Variants in CHIC2 observed in about 807,000 individuals in gnomAD.
CHIC2 encodes cysteine rich hydrophobic domain 2.
A neutral mutation model predicts 25.9 loss-of-function variants in CHIC2; 14 were observed. That is an observed-to-expected ratio of 0.54 (90% confidence interval 0.36 to 0.85). The LOEUF (loss-of-function observed/expected upper bound fraction) is 0.85. CHIC2 is among the 40% of genes least tolerant of loss of function. CHIC2 has a pLI of 0.01. For synonymous variants in CHIC2, 70 were observed against 72.0 expected (o/e 0.97, Z 0.14); for missense variants, 146 against 202.0 (o/e 0.72, Z 1.68).
rs1431326183 is a variant in CHIC2, at chr4:54,064,466, G to T, written c.-166C>A. 6.8e-7 allele frequency: 1 copy of T among 1,460,370 alleles called. No homozygotes were observed. Among genetic ancestry groups the T allele is most frequent in the Non-Finnish European group, 9.0e-7 (1 of 1,114,380 alleles). 90.5% of individuals were successfully genotyped at this position (1,460,370 alleles called of 1,614,324 possible). On this transcript the variant is annotated 5_prime_UTR_variant, in exon 1 of 6. Transcript: ENST00000263921. This position sits in a 1 kb window ranked among gnomAD's most constrained non-coding sequence, Gnocchi z 4.2. ...CGGCTCCGGCTACAGAGGGGATGGGGTCTGGACCGTCGCCGCCACCGCCGC... is the reference window on the plus strand; with the variant it reads ...CGGCTCCGGCTACAGAGGGGATGGGTTCTGGACCGTCGCCGCCACCGCCGC...
chr4:54,020,022 G>A (rs1577964162), intron 3 of CHIC2, among the ~76,000 whole-genome samples: 2 of 151,984 alleles, frequency 1.3e-5, no homozygotes, highest in Admixed American at 6.6e-5. Flanking sequence ...TAAAAAGTAC[G>A]GCTATCAGGA....
At chr4:54,084,798 A>G in the CHIC2 span, among the ~76,000 whole-genome samples, 1 of 151,852 alleles carries the variant, frequency 6.6e-6, no homozygotes, top group South Asian at 2.1e-4. Flanking sequence ...TATACTCAAA[A>G]AAGTATAAAA....
At chr4:54,084,985 A>G in the CHIC2 span, among the ~76,000 whole-genome samples, 1 of 151,208 alleles carries the variant, frequency 6.6e-6, no homozygotes, top group Non-Finnish European at 1.5e-5. Context: ...AAAAAAATCA[A>G]ACAGGTAGCA....
intron 3 of CHIC2, among the ~76,000 whole-genome samples, chr4:54,021,421 T>C (rs1232648600): frequency 1.3e-5 from 2 of 152,088 alleles, no homozygotes; most frequent in East Asian, 3.9e-4. Flanking sequence ...CCTCCTTTTC[T>C]ACAGACCCAT....
chr4:54,075,673 C>A, the CHIC2 span, among the ~76,000 whole-genome samples: 4 of 152,184 alleles, frequency 2.6e-5, no homozygotes, highest in Non-Finnish European at 4.4e-5. Context: ...CGTGCCTCAG[C>A]CTCCTGAGTA....
At chr4:54,067,926 C>CA (rs548038508), upstream of CHIC2, among the ~76,000 whole-genome samples, 1 of 150,574 alleles carries the variant, frequency 6.6e-6, no homozygotes, top group Non-Finnish European at 1.5e-5. Context: ...TTGTCCCCCC[C>CA]CCCAAATTCA....
intron 1 of CHIC2, among the ~76,000 whole-genome samples, chr4:54,062,428 G>C (rs2110095856): frequency 6.6e-6 from 1 of 152,170 alleles, no homozygotes; most frequent in East Asian, 1.9e-4. Flanking sequence ...GTGGAGCAAA[G>C]ACAATGGTCT....
chr4:54,050,702 ATAC>A (rs1716982866), intron 1 of CHIC2, among the ~76,000 whole-genome samples: 1 of 152,090 alleles, frequency 6.6e-6, no homozygotes, highest in Non-Finnish European at 1.5e-5. Flanking sequence ...GTACAGTAAC[ATAC>A]TGTACAGGTT....
At chr4:54,080,657 T>C in the CHIC2 span, among the ~76,000 whole-genome samples, 1 of 151,254 alleles carries the variant, frequency 6.6e-6, no homozygotes, top group East Asian at 2.0e-4. Context: ...TCTCAGCTAC[T>C]TGGGAAGCTG....
the CHIC2 span, among the ~76,000 whole-genome samples, chr4:54,078,942 T>C: frequency 1.3e-5 from 2 of 151,668 alleles, no homozygotes; most frequent in Admixed American, 1.3e-4. Flanking sequence ...CAGAGCCGGG[T>C]GCGGTGGCTC....
At chr4:54,026,859 A>T (rs1226237353) in intron 3 of CHIC2, among the ~76,000 whole-genome samples, 1 of 152,154 alleles carries the variant, frequency 6.6e-6, no homozygotes, top group Non-Finnish European at 1.5e-5. Flanking sequence ...TAATGGTTTC[A>T]TTTCAATTAT....
chr4:54,085,954 A>G, the CHIC2 span, among the ~76,000 whole-genome samples: 2 of 152,138 alleles, frequency 1.3e-5, no homozygotes, highest in East Asian at 1.9e-4. Context: ...AGTTAAAAAA[A>G]AAACAAAAAG....
intron 5 of CHIC2, 31 bp from the exon 6 acceptor site, chr4:54,010,176 G>C (rs1373380400): frequency 6.6e-7 from 1 of 1,504,780 alleles, no homozygotes; most frequent in East Asian, 2.3e-5. Flanking sequence ...GGTTTTAAAA[G>C]ATTTAAACAA....
At chr4:54,072,042 C>T in the CHIC2 span, among the ~76,000 whole-genome samples, 1 of 151,868 alleles carries the variant, frequency 6.6e-6, no homozygotes, top group Non-Finnish European at 1.5e-5. Flanking sequence ...CGTCTGTAAT[C>T]CCAGCACTTT....
At chr4:54,065,866 A>G (rs1577993107), upstream of CHIC2, among the ~76,000 whole-genome samples, 2 of 152,364 alleles carry the variant, frequency 1.3e-5, no homozygotes, top group Admixed American at 1.3e-4. Flanking sequence ...AAACAACTGA[A>G]GGAAATGAGT....
intron 3 of CHIC2, among the ~76,000 whole-genome samples, chr4:54,042,761 A>G (rs77767782): frequency 1.2e-4 from 18 of 151,574 alleles, no homozygotes; most frequent in African/African-American, 4.4e-4. Context: ...GAGAATGATG[A>G]AAAAAAAAGA....
intron 3 of CHIC2, among the ~76,000 whole-genome samples, chr4:54,023,599 C>T (rs1386366194): frequency 3.3e-5 from 5 of 152,160 alleles, no homozygotes; most frequent in Non-Finnish European, 7.3e-5. Context: ...CTTTCCTCTT[C>T]CCCATCCTGA....
chr4:54,086,084 A>G, the CHIC2 span, among the ~76,000 whole-genome samples: 1 of 152,204 alleles, frequency 6.6e-6, no homozygotes, highest in East Asian at 1.9e-4. Flanking sequence ...TAGAACACTG[A>G]CATTCTTCTT....
At chr4:54,013,063 T>C (rs1715639427) in intron 5 of CHIC2, among the ~76,000 whole-genome samples, 1 of 152,156 alleles carries the variant, frequency 6.6e-6, no homozygotes, top group Admixed American at 6.6e-5. Context: ...TATTTTCAAC[T>C]ATTAACTTTT....
Sources: allele counts gnomAD v4.1 joint callset (sites outside exome capture counted in the v4.1 genomes callset), GRCh38; gene constraint gnomAD v4.1.1; non-coding constraint Gnocchi (gnomAD v3.1); transcripts MANE v1.5; gene names NCBI Gene and HGNC (gene_info 2026-07-23, HGNC 2026-07-21).